ATP12A: variants seen among roughly 807,000 people sequenced by gnomAD.
The protein encoded by ATP12A is ATPase H+/K+ transporting non-gastric alpha2 subunit, also known as potassium-transporting ATPase alpha chain 2.
Under a neutral mutation model 111.2 loss-of-function variants are expected in ATP12A, and 81 were observed. The ratio of observed to expected loss-of-function variants is 0.73; its 90% CI spans 0.61 to 0.88. The LOEUF (loss-of-function observed/expected upper bound fraction) is 0.88, where lower values mean the gene tolerates loss of function less well. Among genes scored for constraint, ATP12A ranks in the 40% least tolerant of loss-of-function variants. The pLI is 0.00. For synonymous variants in ATP12A, 498 were observed against 499.8 expected (o/e 1.00, Z 0.05); for missense variants, 1,196 against 1,313.1 (o/e 0.91, Z 1.38).
chr13:24,703,234 TTTTG>T (rs80317625), intron 14 of ATP12A, among the ~76,000 whole-genome samples: 73 of 152,058 alleles, frequency 4.8e-4, no homozygotes, highest in African/African-American at 1.4e-3. Context: ...TTTAAACAAA[TTTTG>T]TTTGTTTGTT....
rs999894974 is a variant in ATP12A at position 24,710,817 on chromosome 13, A to G, written c.2923A>G (p.Thr975Ala). ...FRNKVIWVGI[T>A]SQIIIGLILS... ...AAATAAAGTCATCTGGGTGGGGATC[A>G]CCTCACAGATCATCATTGGTCTGAT... The change falls in exon 21 of 23, where the codon ACC becomes GCC. Residue 975 changes from threonine to alanine, a missense_variant. Coordinates refer to ENST00000381946, the MANE Select transcript of ATP12A (RefSeq NM_001676.7). The G allele has an allele frequency of 1.2e-6, 2 of 1,614,074 alleles. No homozygotes were observed. The highest frequency in any genetic ancestry group is 2.7e-5 in the African/African-American group (2 of 74,932).
intron 15 of ATP12A, 123 bp from the exon 16 acceptor site, chr13:24,706,900 C>T (rs1341342250): frequency 5.4e-6 from 6 of 1,104,522 alleles, no homozygotes; most frequent in African/African-American, 1.6e-5. Context: ...CTAAATGGGC[C>T]TTTCCGTTCA....
intron 11 of ATP12A, among the ~76,000 whole-genome samples, chr13:24,695,507 T>C (rs921163065): frequency 6.6e-5 from 10 of 151,908 alleles, no homozygotes; most frequent in Admixed American, 2.0e-4. Context: ...CAGTAAAGTA[T>C]AGAAATGGAA....
chr13:24,694,418 A>C, intron 10 of ATP12A, 26 bp from the exon 11 acceptor site: 1 of 1,611,850 alleles, frequency 6.2e-7, no homozygotes, highest in Non-Finnish European at 8.5e-7. Flanking sequence ...TATGTGCTGC[A>C]AATATTTTTC....
chr13:24,683,983 A>T (rs1214080555), intron 2 of ATP12A, among the ~76,000 whole-genome samples: 1 of 152,140 alleles, frequency 6.6e-6, no homozygotes, highest in Non-Finnish European at 1.5e-5. Flanking sequence ...CCAGGCAGTG[A>T]CCCGAGGGGT....
Position 24,681,583 on chromosome 13 carries a change from G to A in ATP12A, c.31G>A (p.Val11Met). The stretch of plus-strand genomic sequence containing the variant: ...TCAGAAAACCCCAGAAATTTACTCC[G>A]TGGAGCTCAGCGGAACTAAGGACAT... MHQKTPEIYSVELSGTKDIVK... is the reference protein window; with the variant it reads MHQKTPEIYSMELSGTKDIVK... The change falls in exon 2 of 23, where the codon GTG becomes ATG. Residue 11 changes from valine to methionine, a missense_variant. Transcript: ENST00000381946. 1 of 1,613,728 alleles carries A rather than the reference G, an allele frequency of 6.2e-7. No individual in the cohort carries two copies. Among genetic ancestry groups the A allele is most frequent in the Non-Finnish European group, 8.5e-7 (1 of 1,179,952 alleles).
At position 24,692,952 on chromosome 13, in the gene ATP12A, G is replaced by A. The variant is rs1874977672; in HGVS notation, c.1377+56G>A. The A allele has an allele frequency of 5.3e-6, 8 of 1,502,814 alleles. No homozygotes were observed. The South Asian group carries it at 9.2e-5, about 17-fold the overall frequency. 93.1% of individuals were successfully genotyped at this position (1,502,814 alleles called of 1,614,324 possible). A position where few individuals can be genotyped will look rare whatever the true frequency, so the allele number is the denominator to read the frequency against. ...CACAGCCAGTTTGTAGTCACTTGCT[G>A]AGGTCTGATTGGGTGCTTGATTTCA... On this transcript the variant is annotated intron_variant, in intron 10 of 22. Coordinates refer to ENST00000381946, the MANE Select transcript of ATP12A (RefSeq NM_001676.7).
chr13:24,707,183 T>C lies in ATP12A; in HGVS notation c.2330T>C (p.Val777Ala). ...DDNFASIVTG[V>A]EEGRLIFDNL... ...AACTTCGCATCCATCGTCACAGGGG[T>C]GGAGGAAGGTGAGTGAGTCTCAGGG... The change falls in exon 16 of 23, where the codon GTG becomes GCG. Residue 777 changes from valine to alanine, a missense_variant. Val to Ala is a moderately conservative substitution (Grantham distance 64). Transcript: ENST00000381946. The C allele has an allele frequency of 6.2e-7, 1 of 1,613,326 alleles. No homozygotes were observed. The highest frequency in any genetic ancestry group is 8.5e-7 in the Non-Finnish European group (1 of 1,179,648).
intron 8 of ATP12A, 150 bp downstream of exon 8, chr13:24,691,400 G>T: frequency 1.0e-6 from 1 of 998,328 alleles, no homozygotes; most frequent in Non-Finnish European, 1.4e-6. Flanking sequence ...TGCATAGACT[G>T]TTCCTTACAG....
At chr13:24,706,166 C>A in intron 14 of ATP12A, 147 bp from the exon 15 acceptor site, 2 of 1,004,770 alleles carry the variant, frequency 2.0e-6, no homozygotes, top group South Asian at 1.8e-5. Context: ...GTTCCCAGGA[C>A]TCCTGTTACC....
chr13:24,689,339 C>T lies in ATP12A; in HGVS notation c.510C>T (p.Thr170=). The change falls in exon 5 of 23, where the codon ACC becomes ACT. Residue 170 remains threonine (T), a synonymous_variant. Transcript: ENST00000381946. ...IFAYYQEAKS[T]NIMSSFNKMI... ...CTTATTACCAAGAGGCAAAAAGCAC[C>T]AACATCATGTCCAGCTTCAATAAGA... 6.2e-7 allele frequency: 1 copy of T among 1,614,090 alleles called. No individual in the cohort carries two copies. Among genetic ancestry groups the T allele is most frequent in the African/African-American group, 1.3e-5 (1 of 74,996 alleles).
At chr13:24,690,950 C>T (rs2137697098) in intron 7 of ATP12A, 32 bp from the exon 8 acceptor site, 1 of 1,611,646 alleles carries the variant, frequency 6.2e-7, no homozygotes. Flanking sequence ...TGGCTGAGGA[C>T]CCCTGGAATA....
Position 24,702,040 on chromosome 13 carries a change from C to T in ATP12A, c.1987C>T (p.Leu663Phe), listed in dbSNP as rs148582032. 1.2e-4 allele frequency: 199 copies of T among 1,614,240 alleles called. No individual in the cohort carries two copies. Among genetic ancestry groups the T allele is most frequent in the Non-Finnish European group, 1.6e-4 (194 of 1,180,044 alleles). Reference sequence around the variant, plus strand: ...AACAGTGGAAGACATTGCACATCGCCTCAACATTGCTGTGGAGCAAGTTAA... The same window carrying T: ...AACAGTGGAAGACATTGCACATCGCTTCAACATTGCTGTGGAGCAAGTTAA... ...SETVEDIAHR[L>F]NIAVEQVNKR... The change falls in exon 14 of 23, where the codon CTC becomes TTC. Residue 663 changes from leucine to phenylalanine, a missense_variant. By Grantham distance (22) the Leu-to-Phe change is conservative. This residue lies in a region of ATP12A where 1,126 missense variants were observed against 1,228.5 expected (regional missense o/e 0.92). Transcript: ENST00000381946.
At chr13:24,698,983 G>A in intron 12 of ATP12A, 133 bp downstream of exon 12, 4 of 1,167,122 alleles carry the variant, frequency 3.4e-6, no homozygotes, top group African/African-American at 1.5e-5. Flanking sequence ...TGATAAGCAG[G>A]ATGGGAACAA....
rs376366256 is a variant in ATP12A at position 24,707,137 on chromosome 13, G to A, written c.2284G>A (p.Asp762Asn). The A allele has an allele frequency of 4.3e-5, 70 of 1,614,036 alleles. No individual in the cohort carries two copies. The highest frequency in any genetic ancestry group is 5.4e-5 in the Non-Finnish European group (64 of 1,180,024). ...TTCTGATGCAGCCAAAAATGCAGCCGACATGGTCTTGCTGGACGACAACTT... is the reference window on the plus strand; with the variant it reads ...TTCTGATGCAGCCAAAAATGCAGCCAACATGGTCTTGCTGGACGACAACTT... ...AGSDAAKNAA[D>N]MVLLDDNFAS... The change falls in exon 16 of 23, where the codon GAC becomes AAC. Residue 762 changes from aspartate to asparagine, a missense_variant. Physicochemically the swap from Asp to Asn is conservative, Grantham distance 23. This residue lies in a region of ATP12A where 1,126 missense variants were observed against 1,228.5 expected (regional missense o/e 0.92). Coordinates refer to ENST00000381946, the MANE Select transcript of ATP12A (RefSeq NM_001676.7).
rs549578152 is a variant in ATP12A at position 24,703,385 on chromosome 13, G to A, written c.2018+1314G>A. Reference sequence around the variant, plus strand: ...AGCCTCCTGAATAGCTGGGATTACAGGCGCCCGCCACCATGCCTGGCTAAT... The same window carrying A: ...AGCCTCCTGAATAGCTGGGATTACAAGCGCCCGCCACCATGCCTGGCTAAT... On this transcript the variant is annotated intron_variant, in intron 14 of 22. Transcript: ENST00000381946. Among the ~76,000 whole-genome samples the A allele has an allele frequency of 4.2e-3, 643 of 152,032 alleles. 10 individuals are homozygous for A. Among genetic ancestry groups the A allele is most frequent in the African/African-American group, 0.015 (617 of 41,478 alleles).
chr13:24,687,604 G>T (rs1874716872), intron 3 of ATP12A, among the ~76,000 whole-genome samples: 1 of 152,258 alleles, frequency 6.6e-6, no homozygotes. Flanking sequence ...AAAGGTGAGG[G>T]TGCCTCACGG....
chr13:24,709,855 G>A, intron 19 of ATP12A, 27 bp downstream of exon 19: 3 of 1,612,060 alleles, frequency 1.9e-6, no homozygotes, highest in East Asian at 2.2e-5. Flanking sequence ...CTGCTGCAGA[G>A]TCCACCTGAT....
At chr13:24,687,297 C>T (rs1460007748) in intron 3 of ATP12A, among the ~76,000 whole-genome samples, 3 of 152,090 alleles carry the variant, frequency 2.0e-5, no homozygotes, top group Admixed American at 6.5e-5. Flanking sequence ...CCTGTCTCTA[C>T]TAAAAATATT....
Sources: allele counts gnomAD v4.1 joint callset (sites outside exome capture counted in the v4.1 genomes callset), GRCh38; gene constraint gnomAD v4.1.1; regional missense constraint gnomAD v4.1.1; transcripts MANE v1.5; gene names NCBI Gene and HGNC (gene_info 2026-07-23, HGNC 2026-07-21).